Variants in CRYL1 observed in about 807,000 individuals in gnomAD.
CRYL1 encodes crystallin lambda 1, also known as lambda-crystallin homolog.
Under a neutral mutation model 36.6 loss-of-function variants are expected in CRYL1, and 29 were observed. The ratio of observed to expected loss-of-function variants is 0.79; its 90% CI spans 0.59 to 1.08. The LOEUF is 1.08. CRYL1 is among the 50% of genes least tolerant of loss of function. The probability of loss-of-function intolerance (pLI) is 0.00; values close to 1 mark genes in which losing one functional copy is unlikely to be tolerated. For missense variants in CRYL1, 411 were observed against 407.9 expected, an observed-to-expected ratio of 1.01 and a Z score of -0.06; for synonymous variants, 152 against 151.5, an observed-to-expected ratio of 1.00 and a Z score of -0.02.
chr13:20,422,808 C>T (rs183673247), intron 5 of CRYL1, among the ~76,000 whole-genome samples: 79 of 152,260 alleles, frequency 5.2e-4, no homozygotes, highest in African/African-American at 1.7e-3. Flanking sequence ...CAAAGGGCCA[C>T]GCTACTCTGT....
chr13:20,448,858 T>C (rs1248940237), intron 3 of CRYL1, among the ~76,000 whole-genome samples: 1 of 131,432 alleles, frequency 7.6e-6, no homozygotes, highest in East Asian at 2.3e-4. Flanking sequence ...AGACAGAAAA[T>C]TGGATCTACA....
Position 20,525,604 on chromosome 13 carries a change from T to G in CRYL1, c.41+150A>C. The G allele has an allele frequency of 1.7e-6, 1 of 599,580 alleles. No individual in the cohort carries two copies. The highest frequency in any genetic ancestry group is 2.4e-6 in the Non-Finnish European group (1 of 417,746). 37.1% of individuals were successfully genotyped at this position (599,580 alleles called of 1,614,324 possible). A position where few individuals can be genotyped will look rare whatever the true frequency, so the allele number is the denominator to read the frequency against. On this transcript the variant is annotated intron_variant, in intron 1 of 7. Transcript: ENST00000298248. This position sits in a 1 kb window ranked among gnomAD's most constrained non-coding sequence, Gnocchi z 4.3. ...CCTCTCCCCGAGCCCGCCAGCGCCGTAGGGGCCGCAGGGCGCAGGGCTTCG... is the reference window on the plus strand; with the variant it reads ...CCTCTCCCCGAGCCCGCCAGCGCCGGAGGGGCCGCAGGGCGCAGGGCTTCG...
intron 1 of CRYL1, among the ~76,000 whole-genome samples, chr13:20,515,538 T>G (rs1593502465): frequency 6.6e-6 from 1 of 152,106 alleles, no homozygotes; most frequent in East Asian, 1.9e-4. Flanking sequence ...TGTAGGGAGT[T>G]GCCTTAAGGT....
chr13:20,509,298 T>G (rs2033871647), intron 2 of CRYL1, among the ~76,000 whole-genome samples: 3 of 147,800 alleles, frequency 2.0e-5, no homozygotes, highest in Admixed American at 6.8e-5. Context: ...CTATCAAGGG[T>G]TTTTTTTTTC....
At chr13:20,489,559 C>T in intron 2 of CRYL1, 63 bp from the exon 3 acceptor site, 2 of 1,587,622 alleles carry the variant, frequency 1.3e-6, no homozygotes, top group Non-Finnish European at 1.7e-6. Flanking sequence ...ACAGATAAAG[C>T]CCAACATCAG....
chr13:20,463,608 T>G (rs532427910), intron 3 of CRYL1, among the ~76,000 whole-genome samples: 2 of 152,318 alleles, frequency 1.3e-5, no homozygotes, highest in East Asian at 3.9e-4. Context: ...ACCCATGTAC[T>G]TTCTAAATTG....
At chr13:20,461,385 T>G (rs1365960799) in intron 3 of CRYL1, among the ~76,000 whole-genome samples, 1 of 152,274 alleles carries the variant, frequency 6.6e-6, no homozygotes, top group Admixed American at 6.5e-5. Flanking sequence ...GGACCTATGC[T>G]ATCTTCTAGA....
At chr13:20,478,437 C>T (rs1297786102) in intron 3 of CRYL1, among the ~76,000 whole-genome samples, 2 of 152,094 alleles carry the variant, frequency 1.3e-5, no homozygotes, top group Non-Finnish European at 2.9e-5. Flanking sequence ...ACCACATCAT[C>T]CTTCCAAAAG....
chr13:20,518,876 A>G (rs1339366716), intron 1 of CRYL1, among the ~76,000 whole-genome samples: 1 of 152,170 alleles, frequency 6.6e-6, no homozygotes, highest in Admixed American at 6.6e-5. Flanking sequence ...AAAATGGAGG[A>G]CAGTGCCAAG....
chr13:20,440,211 TC>T (rs34053093), intron 3 of CRYL1, among the ~76,000 whole-genome samples: 1 of 152,218 alleles, frequency 6.6e-6, no homozygotes, highest in Non-Finnish European at 1.5e-5. Context: ...TACAGAGGTT[TC>T]CCTGTGTCTT....
At chr13:20,524,108 C>G (rs2034144328) in intron 1 of CRYL1, among the ~76,000 whole-genome samples, 1 of 152,110 alleles carries the variant, frequency 6.6e-6, no homozygotes, top group African/African-American at 2.4e-5. Flanking sequence ...TAAAAATCAG[C>G]CGGGTATGGT....
intron 3 of CRYL1, among the ~76,000 whole-genome samples, chr13:20,444,907 G>A (rs1234867630): frequency 6.6e-6 from 1 of 152,116 alleles, no homozygotes; most frequent in African/African-American, 2.4e-5. Flanking sequence ...TAGTAGAGAC[G>A]GGGTTTCAGC....
intron 6 of CRYL1, among the ~76,000 whole-genome samples, chr13:20,405,700 C>T (rs1244012165): frequency 6.6e-6 from 1 of 152,168 alleles, no homozygotes; most frequent in Non-Finnish European, 1.5e-5. Context: ...CTTGGAGAGC[C>T]ATGATTTCTC....
intron 2 of CRYL1, among the ~76,000 whole-genome samples, chr13:20,505,359 C>CTAAAAAAAAAAAAAA (rs2033775036): frequency 1.1e-5 from 1 of 91,222 alleles, no homozygotes. Flanking sequence ...TCTATCCCAC[C>CTAAAAAAAAAAAAAA]AAAAAAAAAA....
chr13:20,497,373 CA>C (rs1382851726), intron 2 of CRYL1, among the ~76,000 whole-genome samples: 2 of 135,718 alleles, frequency 1.5e-5, no homozygotes, highest in African/African-American at 2.7e-5. Context: ...CACAACTACA[CA>C]CACCGCATAT....
At chr13:20,494,882 A>G (rs1399233446) in intron 2 of CRYL1, among the ~76,000 whole-genome samples, 1 of 152,184 alleles carries the variant, frequency 6.6e-6, no homozygotes, top group African/African-American at 2.4e-5. Flanking sequence ...GGCAGCACAC[A>G]CAGGTAGGAC....
chr13:20,432,054 A>G (rs1443126985), intron 5 of CRYL1, 48 bp downstream of exon 5: 1 of 1,613,440 alleles, frequency 6.2e-7, no homozygotes, highest in African/African-American at 1.3e-5. Context: ...GGAGGGAAGA[A>G]GGAGGGAGAA....
chr13:20,521,126 G>GAAAAAAAA (rs2034087642), intron 1 of CRYL1, among the ~76,000 whole-genome samples: 1 of 25,316 alleles, frequency 4.0e-5, no homozygotes, highest in African/African-American at 5.5e-5. Context: ...AAAAAAAAAG[G>GAAAAAAAA]AAAGAAAGAA....
intron 3 of CRYL1, among the ~76,000 whole-genome samples, chr13:20,458,057 C>T (rs2032726978): frequency 6.6e-6 from 1 of 152,176 alleles, no homozygotes; most frequent in South Asian, 2.1e-4. Context: ...ACCAGCCAAC[C>T]ACAGGAAGAA....
Sources: allele counts gnomAD v4.1 joint callset (sites outside exome capture counted in the v4.1 genomes callset), GRCh38; gene constraint gnomAD v4.1.1; non-coding constraint Gnocchi (gnomAD v3.1); transcripts MANE v1.5; gene names NCBI Gene and HGNC (gene_info 2026-07-23, HGNC 2026-07-21).